IQSEC1: variants seen among roughly 807,000 people sequenced by gnomAD.
IQSEC1 encodes IQ motif and SEC7 domain-containing protein 1.
IQSEC1 carries 31 observed loss-of-function variants against 91.0 expected under a neutral mutation model. That is an observed-to-expected ratio of 0.34 (90% confidence interval 0.26 to 0.46). IQSEC1 has a LOEUF of 0.46. IQSEC1 is among the 20% of genes least tolerant of loss of function. IQSEC1 has a pLI of 1.00. For synonymous variants in IQSEC1, 699 were observed against 662.6 expected (o/e 1.05, Z -0.84); for missense variants, 1,388 against 1,575.6 (o/e 0.88, Z 2.02).
At chr3:13,070,113 G>A (rs1000855926) in intron 1 of IQSEC1, among the ~76,000 whole-genome samples, 24 of 152,170 alleles carry the variant, frequency 1.6e-4, no homozygotes, top group African/African-American at 3.6e-4. Flanking sequence ...GTGGGGGCCC[G>A]CCGGCAGGGC....
intron 2 of IQSEC1, among the ~76,000 whole-genome samples, chr3:13,096,223 G>A (rs917328292): frequency 2.6e-5 from 4 of 152,176 alleles, no homozygotes; most frequent in African/African-American, 9.7e-5. Flanking sequence ...ACCAAGATCT[G>A]ACCTGGGCAG....
In IQSEC1 at chr3:12,899,672, T is replaced by C. The variant is rs1218965663; in HGVS notation, c.*1311A>G. The C allele has an allele frequency of 2.0e-6, 2 of 985,248 alleles. No homozygotes were observed. The highest frequency in any genetic ancestry group is 1.7e-5 in the African/African-American group (1 of 57,214). 61.0% of individuals were successfully genotyped at this position (985,248 alleles called of 1,614,324 possible). ...GGGGTTCTGCTAGCACATGGCTACA[T>C]GGAATTACGGTGATCACTGCTACCA... On this transcript the variant is annotated 3_prime_UTR_variant, in exon 14 of 14. Transcript: ENST00000613206.
intron 1 of IQSEC1, among the ~76,000 whole-genome samples, chr3:13,057,081 C>T (rs1704906112): frequency 1.3e-5 from 2 of 152,142 alleles, no homozygotes; most frequent in South Asian, 4.1e-4. Flanking sequence ...TATCTATGTG[C>T]CTGCAATGCA....
chr3:12,948,033 C>T, intron 1 of IQSEC1, among the ~76,000 whole-genome samples: 1 of 152,256 alleles, frequency 6.6e-6, no homozygotes, highest in East Asian at 1.9e-4. Flanking sequence ...AGGGGCCAAG[C>T]AGGCTCCTGG....
At chr3:13,004,655 C>G (rs1333710687) in intron 1 of IQSEC1, among the ~76,000 whole-genome samples, 1 of 152,162 alleles carries the variant, frequency 6.6e-6, no homozygotes, top group Non-Finnish European at 1.5e-5. Flanking sequence ...CTATGCAGGG[C>G]CACTTTCCAC....
intron 1 of IQSEC1, among the ~76,000 whole-genome samples, chr3:13,017,274 T>G (rs1412237920): frequency 6.6e-6 from 1 of 152,214 alleles, no homozygotes; most frequent in Non-Finnish European, 1.5e-5. Flanking sequence ...CTCTTTATCA[T>G]TTCTCTCTCA....
intron 1 of IQSEC1, among the ~76,000 whole-genome samples, chr3:13,032,977 C>T (rs1053202773): frequency 3.9e-5 from 6 of 152,246 alleles, no homozygotes; most frequent in Admixed American, 3.3e-4. Flanking sequence ...GGCCTCGGGG[C>T]CTGGAAACTG....
At chr3:12,966,433 C>T (rs530772281) in intron 1 of IQSEC1, among the ~76,000 whole-genome samples, 1 of 152,296 alleles carries the variant, frequency 6.6e-6, no homozygotes, top group South Asian at 2.1e-4. Context: ...GTCAACAAAT[C>T]CCCTTAGCCC....
chr3:13,036,504 C>A (rs1488840719), intron 1 of IQSEC1, among the ~76,000 whole-genome samples: 1 of 152,070 alleles, frequency 6.6e-6, no homozygotes, highest in African/African-American at 2.4e-5. Context: ...GATTGCATTC[C>A]CACTTCGCCT....
chr3:12,987,068 T>C, intron 1 of IQSEC1: 1 of 397,730 alleles, frequency 2.5e-6, no homozygotes, highest in South Asian at 1.8e-5. Context: ...ATGAGCTCCC[T>C]CAGCCGTCCC....
intron 1 of IQSEC1, among the ~76,000 whole-genome samples, chr3:13,203,342 G>A (rs532714811): frequency 6.6e-6 from 1 of 152,318 alleles, no homozygotes; most frequent in East Asian, 1.9e-4. Context: ...CACGGCCCTT[G>A]TTGGTTTTCT....
At chr3:12,945,378 A>C (rs1576005784) in intron 1 of IQSEC1, among the ~76,000 whole-genome samples, 1 of 152,024 alleles carries the variant, frequency 6.6e-6, no homozygotes, top group African/African-American at 2.4e-5. Context: ...ACAGTCACCC[A>C]CAGTCTTCCC....
At chr3:13,153,223 A>G (rs982559595) in intron 2 of IQSEC1, among the ~76,000 whole-genome samples, 2 of 152,048 alleles carry the variant, frequency 1.3e-5, no homozygotes, top group Non-Finnish European at 2.9e-5. Flanking sequence ...CCCTGTGCCC[A>G]GCAGCCAGAG....
intron 1 of IQSEC1, among the ~76,000 whole-genome samples, chr3:13,005,417 C>T (rs973932668): frequency 6.6e-6 from 1 of 152,176 alleles, no homozygotes; most frequent in Non-Finnish European, 1.5e-5. Context: ...CCTGCCTGCC[C>T]CCAGCAGACC....
intron 1 of IQSEC1, among the ~76,000 whole-genome samples, chr3:13,224,592 G>C (rs1215035803): frequency 6.6e-6 from 1 of 152,154 alleles, no homozygotes; most frequent in African/African-American, 2.4e-5. Flanking sequence ...GCTCACCAGG[G>C]CATGTCTTGG....
chr3:12,967,250 C>T lies in IQSEC1; in HGVS notation c.24-25385G>A. On this transcript the variant is annotated intron_variant, in intron 1 of 13. Transcript: ENST00000613206. This position sits in a 1 kb window ranked among gnomAD's most constrained non-coding sequence, Gnocchi z 5.9. ...CACAGTCTGGCGGACGCACCCCGCC[C>T]CGCAGGCAGCTTTCTCTCGCACGCC... The T allele has an allele frequency of 1.4e-6, 1 of 696,932 alleles. No homozygotes were observed. The highest frequency in any genetic ancestry group is 2.3e-6 in the Non-Finnish European group (1 of 442,212). 43.2% of individuals were successfully genotyped at this position (696,932 alleles called of 1,614,324 possible). A position where few individuals can be genotyped will look rare whatever the true frequency, so the allele number is the denominator to read the frequency against.
chr3:12,977,943 T>A (rs984473694), intron 1 of IQSEC1, among the ~76,000 whole-genome samples: 1 of 152,242 alleles, frequency 6.6e-6, no homozygotes, highest in African/African-American at 2.4e-5. Flanking sequence ...TCATTGAGAA[T>A]GTGTGCATTC....
rs1316301984 is a variant in IQSEC1, at chr3:12,935,248, C to A, written c.1568+200G>T. Reference sequence around the variant, plus strand: ...GCTCAGCCTGTGTGTGTTGCCATCCCCACCAGCAGTCCCAGGAGGGGCTAG... The same window carrying A: ...GCTCAGCCTGTGTGTGTTGCCATCCACACCAGCAGTCCCAGGAGGGGCTAG... On this transcript the variant is annotated intron_variant, in intron 3 of 13. Coordinates refer to ENST00000613206, the MANE Select transcript of IQSEC1 (RefSeq NM_001134382.3). This position sits in a 1 kb window ranked among gnomAD's most constrained non-coding sequence, Gnocchi z 8.0. 6.6e-6 allele frequency among the ~76,000 whole-genome samples: 1 copy of A among 152,222 alleles called. No individual in the cohort carries two copies. Among genetic ancestry groups the A allele is most frequent in the Non-Finnish European group, 1.5e-5 (1 of 68,032 alleles).
At chr3:12,911,826 G>T in intron 9 of IQSEC1, 98 bp from the exon 10 acceptor site, 1 of 817,844 alleles carries the variant, frequency 1.2e-6, no homozygotes, top group Non-Finnish European at 2.1e-6. Flanking sequence ...TTCAAAGTCA[G>T]GAGGACAGGG....
Sources: gnomAD v4.1 joint callset for allele counts (sites outside exome capture counted in the v4.1 genomes callset) on GRCh38, gnomAD v4.1.1 for gene constraint, Gnocchi (gnomAD v3.1) non-coding constraint, MANE v1.5 for transcripts, NCBI Gene and HGNC (gene_info 2026-07-23, HGNC 2026-07-21) for gene names.